PTPN9: variants seen among roughly 807,000 people sequenced by gnomAD.
PTPN9 encodes tyrosine-protein phosphatase non-receptor type 9.
In PTPN9, 26 loss-of-function variants were observed where a neutral mutation model predicts 69.8. The observed-to-expected ratio is 0.37, with a 90% CI of 0.27 to 0.52. PTPN9 has a LOEUF of 0.52. Among genes scored for constraint, PTPN9 ranks in the 20% least tolerant of loss-of-function variants. PTPN9 has a pLI of 0.91. For missense variants in PTPN9, 549 were observed against 740.3 expected (o/e 0.74, Z 3.00); for synonymous variants, 274 against 272.5 (o/e 1.01, Z -0.05).
intron 9 of PTPN9, among the ~76,000 whole-genome samples, chr15:75,476,356 C>T (rs1244859335): frequency 4.0e-5 from 6 of 151,842 alleles, no homozygotes; most frequent in Non-Finnish European, 5.9e-5. Flanking sequence ...ACTCTGTCGC[C>T]CAGGCTGGAG....
At chr15:75,483,716 C>T (rs1054625560) in intron 8 of PTPN9, among the ~76,000 whole-genome samples, 3 of 151,974 alleles carry the variant, frequency 2.0e-5, no homozygotes, top group African/African-American at 2.4e-5. Flanking sequence ...TGTTGGAGGC[C>T]GAAAGAATGA....
At chr15:75,520,916 C>T (rs2074901812) in intron 4 of PTPN9, among the ~76,000 whole-genome samples, 1 of 151,384 alleles carries the variant, frequency 6.6e-6, no homozygotes, top group Admixed American at 6.6e-5. Flanking sequence ...ATGATCCTCC[C>T]AGGGCTCAGG....
At position 75,490,152 on chromosome 15, in the gene PTPN9, T is replaced by C; in HGVS notation, c.1062+56A>G. ...ACCGAAGTATTAGTAAGCTTCACTT[T>C]GGAAGAAGCTCTATTTCCCCCAGTG... is the stretch of plus-strand genomic sequence containing the variant. On this transcript the variant is annotated intron_variant, in intron 8 of 12. Transcript: ENST00000618819. 10 of 1,318,370 alleles carry C rather than the reference T, an allele frequency of 7.6e-6. 1 individual carries two copies. The highest frequency in any genetic ancestry group is 2.4e-5 in the South Asian group (2 of 84,324). The allele number at this position is 1,318,370 out of a possible 1,614,324, so 81.7% of individuals were successfully genotyped here.
chr15:75,565,708 C>G (rs2075124081), intron 1 of PTPN9, among the ~76,000 whole-genome samples: 1 of 152,168 alleles, frequency 6.6e-6, no homozygotes, highest in Admixed American at 6.6e-5. Context: ...TCTTTGCACT[C>G]ATTTGCGAAT....
At chr15:75,514,029 G>A (rs1238759337) in intron 5 of PTPN9, among the ~76,000 whole-genome samples, 1 of 151,096 alleles carries the variant, frequency 6.6e-6, no homozygotes, top group Non-Finnish European at 1.5e-5. Flanking sequence ...AACCTGGGAG[G>A]CGGAGGTTGC....
intron 8 of PTPN9, among the ~76,000 whole-genome samples, chr15:75,485,496 G>GTAC (rs1200760904): frequency 6.6e-6 from 1 of 150,420 alleles, no homozygotes; most frequent in African/African-American, 2.4e-5. Context: ...AGCCTCCCGA[G>GTAC]TAGCTGGGAC....
chr15:75,503,912 G>GC (rs1391355099), intron 7 of PTPN9, among the ~76,000 whole-genome samples: 3 of 108,998 alleles, frequency 2.8e-5, no homozygotes, highest in African/African-American at 7.3e-5. Context: ...GGTGGGGTCA[G>GC]CCCCCCGCCC....
intron 2 of PTPN9, among the ~76,000 whole-genome samples, chr15:75,525,140 C>G (rs2074921979): frequency 6.6e-6 from 1 of 151,960 alleles, no homozygotes; most frequent in Admixed American, 6.6e-5. Flanking sequence ...TTCTCTCCAC[C>G]TGATATTGTC....
At chr15:75,577,961 A>G (rs958664709) in intron 1 of PTPN9, among the ~76,000 whole-genome samples, 1 of 152,096 alleles carries the variant, frequency 6.6e-6, no homozygotes, top group African/African-American at 2.4e-5. Context: ...GGAAAGTTAC[A>G]AGGGCCCCCA....
chr15:75,530,715 AT>A (rs2074956795), intron 1 of PTPN9, among the ~76,000 whole-genome samples: 1 of 32,554 alleles, frequency 3.1e-5, no homozygotes, highest in Non-Finnish European at 4.4e-5. Flanking sequence ...ATATTATTAT[AT>A]AATATATATA....
At chr15:75,494,635 G>A (rs571791686) in intron 7 of PTPN9, among the ~76,000 whole-genome samples, 2 of 152,084 alleles carry the variant, frequency 1.3e-5, no homozygotes, top group Non-Finnish European at 2.9e-5. Flanking sequence ...TTACAGGCTT[G>A]AGCCACTGTG....
Position 75,468,390 on chromosome 15 carries a change from A to C in PTPN9, c.*379T>G, listed in dbSNP as rs1208435048. The C allele has an allele frequency of 5.6e-6, 1 of 177,644 alleles. No individual in the cohort carries two copies. Among genetic ancestry groups the C allele is most frequent in the Non-Finnish European group, 1.2e-5 (1 of 82,316 alleles). 11.0% of individuals were successfully genotyped at this position (177,644 alleles called of 1,614,324 possible). A position where few individuals can be genotyped will look rare whatever the true frequency, so the allele number is the denominator to read the frequency against. On this transcript the variant is annotated 3_prime_UTR_variant, in exon 13 of 13. Transcript: ENST00000618819. ...CAAATGCTCATCAAACCTCCCCATA[A>C]AATCCTAGGAAAGGGAAGGAGTGGG...
chr15:75,477,392 C>T (rs1169653830), intron 9 of PTPN9, among the ~76,000 whole-genome samples: 6 of 152,026 alleles, frequency 3.9e-5, no homozygotes, highest in Non-Finnish European at 8.8e-5. Flanking sequence ...GCCGGGAGTT[C>T]GAGACCAGCC....
intron 1 of PTPN9, among the ~76,000 whole-genome samples, chr15:75,563,737 G>T (rs1355897230): frequency 6.6e-6 from 1 of 152,118 alleles, no homozygotes; most frequent in Non-Finnish European, 1.5e-5. Flanking sequence ...CTCATTGCAC[G>T]TAACAAGTCC....
intron 1 of PTPN9, among the ~76,000 whole-genome samples, chr15:75,550,149 T>C (rs2075050982): frequency 6.6e-6 from 1 of 151,528 alleles, no homozygotes; most frequent in Admixed American, 6.6e-5. Context: ...CAAGGCAGCC[T>C]GATAAACCCC....
chr15:75,565,273 A>G (rs960169077), intron 1 of PTPN9, among the ~76,000 whole-genome samples: 3 of 152,130 alleles, frequency 2.0e-5, no homozygotes, highest in African/African-American at 7.2e-5. Flanking sequence ...AGAGCTTTTC[A>G]GTATGAGAAG....
chr15:75,534,801 C>T (rs1450052141), intron 1 of PTPN9, among the ~76,000 whole-genome samples: 2 of 151,808 alleles, frequency 1.3e-5, no homozygotes, highest in Non-Finnish European at 1.5e-5. Flanking sequence ...GGTGAAACCT[C>T]GTCTCTACTA....
chr15:75,480,747 T>C, intron 8 of PTPN9: 1 of 1,273,480 alleles, frequency 7.9e-7, no homozygotes, highest in Non-Finnish European at 1.0e-6. Flanking sequence ...CGGAGCTGTC[T>C]CAGTCTTTGC....
intron 9 of PTPN9, among the ~76,000 whole-genome samples, chr15:75,475,377 G>A (rs1301516038): frequency 2.6e-5 from 4 of 152,062 alleles, no homozygotes; most frequent in African/African-American, 9.7e-5. Flanking sequence ...TCAGGAGTCC[G>A]AGACCAGCCT....
Sources: gnomAD v4.1 joint callset for allele counts (sites outside exome capture counted in the v4.1 genomes callset) on GRCh38, gnomAD v4.1.1 for gene constraint, MANE v1.5 for transcripts, NCBI Gene and HGNC (gene_info 2026-07-23, HGNC 2026-07-21) for gene names.